The following LRRC1 variants were observed in gnomAD, a reference collection of about 807,000 sequenced individuals.
LRRC1 encodes the protein leucine-rich repeat-containing protein 1.
A neutral mutation model predicts 69.9 loss-of-function variants in LRRC1; 28 were observed. The ratio of observed to expected loss-of-function variants is 0.40; its 90% CI spans 0.30 to 0.55. The LOEUF is 0.55. Ranked by LOEUF, LRRC1 falls within the 20% of genes least tolerant of loss-of-function variation. LRRC1 has a pLI of 0.47. For synonymous variants in LRRC1, 236 were observed against 240.2 expected (o/e 0.98, Z 0.16); for missense variants, 498 against 609.0 (o/e 0.82, Z 1.92).
intron 1 of LRRC1, among the ~76,000 whole-genome samples, chr6:53,832,192 A>AG (rs1653689583): frequency 6.6e-6 from 1 of 152,152 alleles, no homozygotes; most frequent in African/African-American, 2.4e-5. Flanking sequence ...ATAACAGATA[A>AG]GGTTTATGAT....
At chr6:53,894,421 G>A (rs1311247853) in intron 4 of LRRC1, among the ~76,000 whole-genome samples, 1 of 152,234 alleles carries the variant, frequency 6.6e-6, no homozygotes, top group East Asian at 1.9e-4. Context: ...TCAGCATGAG[G>A]CTGTGTGAAA....
chr6:53,849,844 C>G (rs557450994), intron 2 of LRRC1, among the ~76,000 whole-genome samples: 1 of 152,204 alleles, frequency 6.6e-6, no homozygotes, highest in African/African-American at 2.4e-5. Flanking sequence ...GTTGTCCCAG[C>G]TACTTGGGAG....
intron 1 of LRRC1, among the ~76,000 whole-genome samples, chr6:53,811,301 C>T (rs906498879): frequency 6.6e-6 from 1 of 152,108 alleles, no homozygotes; most frequent in Non-Finnish European, 1.5e-5. Flanking sequence ...AGCTCTGGCC[C>T]CAGCTAGGCA....
intron 2 of LRRC1, among the ~76,000 whole-genome samples, chr6:53,845,278 C>T (rs1270464215): frequency 6.6e-6 from 1 of 152,166 alleles, no homozygotes; most frequent in Non-Finnish European, 1.5e-5. Flanking sequence ...CTGTAACCAA[C>T]AGGTATAGGG....
intron 4 of LRRC1, among the ~76,000 whole-genome samples, chr6:53,895,996 G>A (rs1767857198): frequency 6.6e-6 from 1 of 152,206 alleles, no homozygotes; most frequent in Non-Finnish European, 1.5e-5. Context: ...ATGATCATAA[G>A]TAGATCAACT....
At chr6:53,849,624 A>G (rs927229923) in intron 2 of LRRC1, among the ~76,000 whole-genome samples, 5 of 152,234 alleles carry the variant, frequency 3.3e-5, no homozygotes, top group Non-Finnish European at 5.9e-5. Context: ...TTACTGAGCT[A>G]GAAAAGACAA....
intron 10 of LRRC1, among the ~76,000 whole-genome samples, chr6:53,908,898 A>G (rs1040130326): frequency 6.6e-6 from 1 of 152,244 alleles, no homozygotes; most frequent in Non-Finnish European, 1.5e-5. Flanking sequence ...CAGCCTCATC[A>G]GTATTCACAA....
intron 4 of LRRC1, chr6:53,883,851 T>C: frequency 1.4e-6 from 1 of 711,244 alleles, no homozygotes. Flanking sequence ...AGTAAGCAGT[T>C]GAGCACAGTC....
chr6:53,922,260 A>G (rs1485428258), intron 13 of LRRC1, among the ~76,000 whole-genome samples: 1 of 152,188 alleles, frequency 6.6e-6, no homozygotes, highest in East Asian at 1.9e-4. Context: ...ACTTTAATTT[A>G]GGATTTTTTA....
intron 11 of LRRC1, 21 bp from the exon 12 acceptor site, chr6:53,919,477 T>TTAAAAAAA: frequency 4.8e-6 from 6 of 1,256,396 alleles, no homozygotes; most frequent in Non-Finnish European, 2.1e-6. Flanking sequence ...TCTCTTTTTT[T>TTAAAAAAA]AAAAAAAAAA....
At chr6:53,920,046 T>C (rs1768690247) in intron 12 of LRRC1, among the ~76,000 whole-genome samples, 1 of 152,246 alleles carries the variant, frequency 6.6e-6, no homozygotes. Flanking sequence ...TTTTGAGTCA[T>C]TGTATCTTTG....
intron 8 of LRRC1, among the ~76,000 whole-genome samples, chr6:53,901,840 T>C (rs1466887696): frequency 3.3e-5 from 5 of 152,264 alleles, no homozygotes; most frequent in African/African-American, 1.2e-4. Context: ...TATCTTGCCC[T>C]GTGGCTGCAC....
intron 8 of LRRC1, among the ~76,000 whole-genome samples, chr6:53,901,547 T>TA (rs34098229): frequency 1.4e-3 from 197 of 140,696 alleles, no homozygotes; most frequent in Middle Eastern, 3.6e-3. Context: ...CCCTGTCTCT[T>TA]AAAAAAAAAA....
chr6:53,897,464 ACC>A, intron 7 of LRRC1, 105 bp downstream of exon 7: 1 of 759,770 alleles, frequency 1.3e-6, no homozygotes, highest in Non-Finnish European at 2.1e-6. Context: ...GATCTTGAAA[ACC>A]AAAAACATTG....
intron 10 of LRRC1, among the ~76,000 whole-genome samples, chr6:53,909,028 G>T (rs1768327532): frequency 6.6e-6 from 1 of 152,142 alleles, no homozygotes. Flanking sequence ...TTAGAAATGT[G>T]CGTACCCTTT....
intron 2 of LRRC1, among the ~76,000 whole-genome samples, chr6:53,869,696 C>T (rs1766819939): frequency 6.6e-6 from 1 of 152,210 alleles, no homozygotes; most frequent in African/African-American, 2.4e-5. Flanking sequence ...CATGGTCTCT[C>T]TTCCCAGAGA....
chr6:53,867,529 G>A (rs1235849205), intron 2 of LRRC1, among the ~76,000 whole-genome samples: 2 of 151,922 alleles, frequency 1.3e-5, no homozygotes, highest in East Asian at 3.8e-4. Flanking sequence ...GAAAGTTGTA[G>A]GAAAAAGATT....
chr6:53,920,820 C>T, intron 13 of LRRC1, 59 bp downstream of exon 13: 3 of 1,564,744 alleles, frequency 1.9e-6, no homozygotes, highest in South Asian at 2.2e-5. Flanking sequence ...ATTAGAATGG[C>T]ACCTAATAAG....
chr6:53,827,238 T>G (rs1039813862), intron 1 of LRRC1, among the ~76,000 whole-genome samples: 2 of 151,082 alleles, frequency 1.3e-5, no homozygotes, highest in Non-Finnish European at 2.9e-5. Flanking sequence ...GGAATGAAGT[T>G]GCTTACAAAG....
Sources: allele counts gnomAD v4.1 joint callset (sites outside exome capture counted in the v4.1 genomes callset), GRCh38; gene constraint gnomAD v4.1.1; transcripts MANE v1.5; gene names NCBI Gene and HGNC (gene_info 2026-07-23, HGNC 2026-07-21).